The following TENM3 variants were observed in gnomAD, a reference collection of about 807,000 sequenced individuals.
TENM3 encodes the protein teneurin-3.
A neutral mutation model predicts 255.1 loss-of-function variants in TENM3; 63 were observed. That is an observed-to-expected ratio of 0.25 (90% CI 0.20 to 0.30). TENM3 has a LOEUF of 0.30. Ranked by LOEUF, TENM3 falls within the 10% of genes least tolerant of loss-of-function variation. The pLI is 1.00. For synonymous variants in TENM3, 1,306 were observed against 1,322.3 expected, an observed-to-expected ratio of 0.99 and a Z score of 0.27; for missense variants, 2,929 against 3,461.1, an observed-to-expected ratio of 0.85 and a Z score of 3.86.
At chr4:181,763,924 T>C in the TENM3 span, among the ~76,000 whole-genome samples, 1 of 152,208 alleles carries the variant, frequency 6.6e-6, no homozygotes, top group African/African-American at 2.4e-5. Flanking sequence ...GGCAGAACTG[T>C]TATAGATCAT....
At chr4:181,972,363 G>A in the TENM3 span, among the ~76,000 whole-genome samples, 28 of 148,094 alleles carry the variant, frequency 1.9e-4, no homozygotes, top group African/African-American at 7.0e-4. Flanking sequence ...AGGCTGCAGT[G>A]CAGTCAAGGC....
chr4:182,638,816 A>G (rs914809316), intron 5 of TENM3, among the ~76,000 whole-genome samples: 2 of 152,128 alleles, frequency 1.3e-5, no homozygotes, highest in Non-Finnish European at 2.9e-5. Context: ...CCACTGGGGA[A>G]CCCATTCTCT....
chr4:182,799,600 T>C lies in TENM3; in HGVS notation c.7349T>C (p.Ile2450Thr). 6.5e-7 allele frequency: 1 copy of C among 1,538,826 alleles called. No homozygotes were observed. Among genetic ancestry groups the C allele is most frequent in the Non-Finnish European group, 8.7e-7 (1 of 1,146,224 alleles). The change falls in exon 28 of 28, where the codon ATC becomes ACC. Residue 2450 changes from isoleucine to threonine, a missense_variant. Physicochemically the swap from Ile to Thr is moderately conservative, Grantham distance 89 (BLOSUM62 -1). Transcript: ENST00000511685. This position sits in a 1 kb window ranked among gnomAD's most constrained non-coding sequence, Gnocchi z 4.2. ...KSQQWDDIPP[I>T]FGVQQQVARQ... ...CCTCTTTTGTTTCGCCCGCAGCCCA[T>C]CTTCGGAGTCCAGCAGCAAGTGGCG...
At chr4:182,581,147 A>G (rs377182623) in intron 3 of TENM3, among the ~76,000 whole-genome samples, 10 of 152,240 alleles carry the variant, frequency 6.6e-5, no homozygotes, top group Admixed American at 5.2e-4. Context: ...TTCTTTTTAC[A>G]TAATAAATAA....
At chr4:182,546,849 T>C (rs1450247970) in intron 3 of TENM3, among the ~76,000 whole-genome samples, 2 of 152,180 alleles carry the variant, frequency 1.3e-5, no homozygotes, top group Admixed American at 1.3e-4. Context: ...TGCCTTGCTG[T>C]AGTTAGCAGA....
the TENM3 span, among the ~76,000 whole-genome samples, chr4:181,686,062 A>G: frequency 0.014 from 2,151 of 152,228 alleles, 32 homozygotes; most frequent in South Asian, 0.023. Context: ...ATTTTTTCTG[A>G]GTCACTGTGC....
At chr4:182,033,166 T>C in the TENM3 span, among the ~76,000 whole-genome samples, 1 of 152,186 alleles carries the variant, frequency 6.6e-6, no homozygotes, top group African/African-American at 2.4e-5. Context: ...TCTAGCTTTT[T>C]GATGTGGACA....
the TENM3 span, among the ~76,000 whole-genome samples, chr4:181,696,865 A>C: frequency 6.6e-6 from 1 of 152,204 alleles, no homozygotes; most frequent in African/African-American, 2.4e-5. Context: ...CTGACCCCAC[A>C]AAGGTATAGA....
At chr4:182,476,189 T>C (rs1014514413) in intron 3 of TENM3, among the ~76,000 whole-genome samples, 1 of 152,238 alleles carries the variant, frequency 6.6e-6, no homozygotes, top group Non-Finnish European at 1.5e-5. Context: ...TTTTAGTGGC[T>C]GTTTAAAATG....
At chr4:182,559,480 CTT>C (rs759903011) in intron 3 of TENM3, among the ~76,000 whole-genome samples, 4 of 152,074 alleles carry the variant, frequency 2.6e-5, no homozygotes, top group Admixed American at 6.6e-5. Context: ...AGAATTCAAA[CTT>C]TTGTTCTCCT....
the TENM3 span, among the ~76,000 whole-genome samples, chr4:182,086,432 T>C: frequency 2.6e-5 from 4 of 152,228 alleles, no homozygotes; most frequent in Admixed American, 6.5e-5. Flanking sequence ...ACCTTCTGTG[T>C]CTTTTCTTGC....
rs773652284 is a variant in TENM3 at position 182,728,961 on chromosome 4, A to G, written c.2369-4A>G. ...CTCTTACTGGGGAACATTTCTCTCTACAGATGGACTCATTGACTGCATGGA... is the reference window on the plus strand; with the variant it reads ...CTCTTACTGGGGAACATTTCTCTCTGCAGATGGACTCATTGACTGCATGGA... On this transcript the variant is annotated splice_region_variant and splice_polypyrimidine_tract_variant and intron_variant, in intron 13 of 27. Transcript: ENST00000511685. The G allele has an allele frequency of 6.8e-6, 11 of 1,612,630 alleles. No individual in the cohort carries two copies. Among genetic ancestry groups the G allele is most frequent in the Admixed American group, 1.7e-5 (1 of 59,972 alleles).
chr4:182,570,101 C>T (rs1386992571), intron 3 of TENM3, among the ~76,000 whole-genome samples: 2 of 152,120 alleles, frequency 1.3e-5, no homozygotes, highest in Admixed American at 6.5e-5. Context: ...TAAGCTATTG[C>T]CGTAATCGAG....
chr4:182,354,788 C>T (rs1414953531), intron 3 of TENM3, among the ~76,000 whole-genome samples: 1 of 152,152 alleles, frequency 6.6e-6, no homozygotes, highest in African/African-American at 2.4e-5. Flanking sequence ...TGCGTATACA[C>T]TTAAGAAAAG....
chr4:182,143,322 C>G (rs999664362), upstream of TENM3: 1 of 167,078 alleles, frequency 6.0e-6, no homozygotes, highest in African/African-American at 2.4e-5. This position sits in a 1 kb window ranked among gnomAD's most constrained non-coding sequence, Gnocchi z 4.3. Flanking sequence ...TGAGTGTTTA[C>G]TGCCTCCCTT....
the TENM3 span, among the ~76,000 whole-genome samples, chr4:181,773,203 A>G: frequency 6.6e-6 from 1 of 152,102 alleles, no homozygotes; most frequent in Non-Finnish European, 1.5e-5. Context: ...TCCGTCACCC[A>G]GGGAGTTTTT....
the TENM3 span, among the ~76,000 whole-genome samples, chr4:181,816,575 T>C: frequency 6.6e-6 from 1 of 152,178 alleles, no homozygotes; most frequent in Non-Finnish European, 1.5e-5. Flanking sequence ...TGTACCTCCA[T>C]CTGGCTTTCT....
chr4:182,504,866 C>T (rs1736661281), intron 3 of TENM3, among the ~76,000 whole-genome samples: 1 of 152,188 alleles, frequency 6.6e-6, no homozygotes, highest in African/African-American at 2.4e-5. Flanking sequence ...TTACTGCCCT[C>T]ACTACTTATT....
At chr4:182,555,567 G>C (rs943732041) in intron 3 of TENM3, among the ~76,000 whole-genome samples, 3 of 152,156 alleles carry the variant, frequency 2.0e-5, no homozygotes, top group Non-Finnish European at 2.9e-5. Context: ...CCTGGTTCAA[G>C]TAGGTGCTCA....
Sources: allele counts gnomAD v4.1 joint callset (sites outside exome capture counted in the v4.1 genomes callset), GRCh38; gene constraint gnomAD v4.1.1; non-coding constraint Gnocchi (gnomAD v3.1); transcripts MANE v1.5; gene names NCBI Gene and HGNC (gene_info 2026-07-23, HGNC 2026-07-21).